Variants in RAD51B observed in about 807,000 individuals in gnomAD.
The protein encoded by RAD51B is RAD51 paralog B, also known as DNA repair protein RAD51 homolog 2.
A neutral mutation model predicts 42.2 loss-of-function variants in RAD51B; 38 were observed. That is an observed-to-expected ratio of 0.90 (90% CI 0.70 to 1.18). The LOEUF is 1.18. Among genes scored for constraint, RAD51B ranks in the 50% most tolerant of loss-of-function variants. The pLI, the probability that RAD51B is intolerant of heterozygous loss-of-function variation, is 0.00. For synonymous variants in RAD51B, 154 were observed against 145.2 expected, an observed-to-expected ratio of 1.06 and a Z score of -0.43; for missense variants, 373 against 400.7, an observed-to-expected ratio of 0.93 and a Z score of 0.59.
intron 11 of RAD51B, among the ~76,000 whole-genome samples, chr14:68,655,632 C>T (rs371133888): frequency 6.6e-6 from 1 of 152,214 alleles, no homozygotes; most frequent in Non-Finnish European, 1.5e-5. Flanking sequence ...GCTCCAGTTA[C>T]AGCCTCTGCA....
intron 7 of RAD51B, among the ~76,000 whole-genome samples, chr14:68,115,581 C>T (rs1351964288): frequency 7.0e-6 from 1 of 143,588 alleles, no homozygotes; most frequent in African/African-American, 2.5e-5. Flanking sequence ...ATTCAGAACA[C>T]AAAAAGCTAC....
chr14:68,023,768 G>GA (rs1056734038), intron 7 of RAD51B, among the ~76,000 whole-genome samples: 1 of 152,104 alleles, frequency 6.6e-6, no homozygotes, highest in Admixed American at 6.6e-5. Context: ...CAGAGTTTGT[G>GA]AATACTCTCT....
intron 7 of RAD51B, among the ~76,000 whole-genome samples, chr14:68,167,937 C>T (rs1013676391): frequency 6.6e-6 from 1 of 151,994 alleles, no homozygotes; most frequent in East Asian, 1.9e-4. Context: ...AAAGCATATA[C>T]AATATAATTT....
chr14:68,206,628 CTG>C (rs2140935977), intron 7 of RAD51B, among the ~76,000 whole-genome samples: 1 of 152,050 alleles, frequency 6.6e-6, no homozygotes, highest in South Asian at 2.1e-4. Flanking sequence ...GGTATATAAA[CTG>C]TCTCAGATTT....
rs542931909 is a variant in RAD51B, at chr14:67,822,803, G to A, written c.-2-739G>A. ...GATAAAATCTCATTTGATTCAGAAG[G>A]TGTGCTCTGACTCCTAGAAAAAGGA... On this transcript the variant is annotated intron_variant, in intron 1 of 10. Coordinates refer to ENST00000471583, the MANE Select transcript of RAD51B (RefSeq NM_133510.4). 1.6e-4 allele frequency among the ~76,000 whole-genome samples: 25 copies of A among 152,182 alleles called. 1 individual carries two copies. In the East Asian group the frequency reaches 4.6e-3, roughly 28 times the overall value.
Position 67,849,552 on chromosome 14 carries a change from G to A in RAD51B, c.315+14356G>A, listed in dbSNP as rs566227412. 9.0e-4 allele frequency among the ~76,000 whole-genome samples: 137 copies of A among 152,216 alleles called. 1 individual carries two copies. Among genetic ancestry groups the A allele is most frequent in the Non-Finnish European group, 1.5e-3 (104 of 68,014 alleles). On this transcript the variant is annotated intron_variant, in intron 4 of 10. Transcript: ENST00000471583. Reference sequence around the variant, plus strand: ...CCCACCTCAGCCTCCCAAAGCACTGGGATTACAGGCGTGAGCCACTGCACC... The same window carrying A: ...CCCACCTCAGCCTCCCAAAGCACTGAGATTACAGGCGTGAGCCACTGCACC...
At chr14:68,623,774 G>C (rs1892008099) in intron 10 of RAD51B, among the ~76,000 whole-genome samples, 1 of 152,204 alleles carries the variant, frequency 6.6e-6, no homozygotes, top group African/African-American at 2.4e-5. Context: ...GAATATGATG[G>C]ATAAACCAGT....
intron 4 of RAD51B, among the ~76,000 whole-genome samples, chr14:67,838,410 G>A (rs1017764090): frequency 2.6e-5 from 4 of 151,870 alleles, no homozygotes; most frequent in African/African-American, 9.7e-5. Context: ...TATATATTCT[G>A]TATTGTTTTT....
rs118111244 is a variant in RAD51B, at chr14:68,132,011, G to C, written c.757-159873G>C. Among the ~76,000 whole-genome samples the C allele has an allele frequency of 4.0e-3, 609 of 152,314 alleles. 18 individuals carry two copies. The East Asian group carries it at 0.085, about 21-fold the overall frequency. ...AGTTTACAGAGTCAAAGAGAAGAAGGAAGAATCAGGCTCAGAAAGGACAGG... is the reference window on the plus strand; with the variant it reads ...AGTTTACAGAGTCAAAGAGAAGAAGCAAGAATCAGGCTCAGAAAGGACAGG... On this transcript the variant is annotated intron_variant, in intron 7 of 10. Transcript: ENST00000471583.
At chr14:68,292,409 G>C (rs1260344655) in intron 8 of RAD51B, among the ~76,000 whole-genome samples, 3 of 152,116 alleles carry the variant, frequency 2.0e-5, no homozygotes, top group African/African-American at 7.2e-5. Flanking sequence ...CAGCTTTACA[G>C]AAGATTAAGA....
At chr14:67,912,647 G>C (rs1187601851) in intron 7 of RAD51B, among the ~76,000 whole-genome samples, 2 of 151,568 alleles carry the variant, frequency 1.3e-5, no homozygotes, top group African/African-American at 4.8e-5. Flanking sequence ...GAGGAAGAAG[G>C]GATTAACTGT....
At chr14:68,641,150 G>A (rs1892451387) in intron 10 of RAD51B, among the ~76,000 whole-genome samples, 1 of 152,160 alleles carries the variant, frequency 6.6e-6, no homozygotes, top group African/African-American at 2.4e-5. Context: ...ACACAGTTCA[G>A]ATAAAAGATG....
chr14:68,335,812 A>G (rs2082444324), intron 8 of RAD51B, among the ~76,000 whole-genome samples: 1 of 152,196 alleles, frequency 6.6e-6, no homozygotes, highest in African/African-American at 2.4e-5. Flanking sequence ...AGCCTTCCCC[A>G]TGGACAATCA....
chr14:68,665,466 A>C (rs1380129196), intron 11 of RAD51B, among the ~76,000 whole-genome samples: 1 of 152,276 alleles, frequency 6.6e-6, no homozygotes, highest in Non-Finnish European at 1.5e-5. Flanking sequence ...AAGTGGAAAC[A>C]TCACTTTATC....
At chr14:68,467,682 G>C (rs2086019001) in intron 9 of RAD51B, among the ~76,000 whole-genome samples, 1 of 152,252 alleles carries the variant, frequency 6.6e-6, no homozygotes, top group Admixed American at 6.5e-5. Flanking sequence ...AGAAAATGTA[G>C]TCACGTAGTA....
chr14:68,585,532 G>A (rs1467514107), intron 10 of RAD51B, among the ~76,000 whole-genome samples: 1 of 152,308 alleles, frequency 6.6e-6, no homozygotes, highest in East Asian at 1.9e-4. Context: ...ACAAAGGTGG[G>A]ATAAAGGGAG....
At chr14:68,676,217 C>A (rs368205351) in intron 11 of RAD51B, among the ~76,000 whole-genome samples, 2 of 152,066 alleles carry the variant, frequency 1.3e-5, no homozygotes, top group Non-Finnish European at 2.9e-5. Flanking sequence ...CAACTATGAT[C>A]CCACTTTAGA....
chr14:68,217,804 T>C (rs1361075002), intron 7 of RAD51B, among the ~76,000 whole-genome samples: 2 of 152,178 alleles, frequency 1.3e-5, no homozygotes, highest in Non-Finnish European at 2.9e-5. Context: ...ACAGAGGAAG[T>C]CATGGAAGAC....
intron 10 of RAD51B, among the ~76,000 whole-genome samples, chr14:68,552,983 A>G (rs1171916395): frequency 6.6e-6 from 1 of 152,260 alleles, no homozygotes; most frequent in Non-Finnish European, 1.5e-5. Context: ...AGAGTAAAGT[A>G]CTAAGAATAA....
Sources: gnomAD v4.1 joint callset for allele counts (sites outside exome capture counted in the v4.1 genomes callset) on GRCh38, gnomAD v4.1.1 for gene constraint, MANE v1.5 for transcripts, NCBI Gene and HGNC (gene_info 2026-07-23, HGNC 2026-07-21) for gene names.